ARPP21: variants seen among roughly 807,000 people sequenced by gnomAD.
ARPP21 encodes the protein cAMP regulated phosphoprotein 21, also known as cAMP-regulated phosphoprotein 21.
A neutral mutation model predicts 113.2 loss-of-function variants in ARPP21; 69 were observed. That is an observed-to-expected ratio of 0.61 (90% CI 0.50 to 0.74). The LOEUF (loss-of-function observed/expected upper bound fraction) is 0.74, where lower values mean the gene tolerates loss of function less well. Ranked by LOEUF, ARPP21 falls within the 30% of genes least tolerant of loss-of-function variation. ARPP21 has a pLI of 0.00. For missense variants in ARPP21, 1,070 were observed against 1,037.4 expected (o/e 1.03, Z -0.43); for synonymous variants, 368 against 375.5 (o/e 0.98, Z 0.23).
chr3:35,783,347 C>A (rs1006966920), intron 19 of ARPP21, among the ~76,000 whole-genome samples: 1 of 152,130 alleles, frequency 6.6e-6, no homozygotes, highest in Non-Finnish European at 1.5e-5. Context: ...TATACTTGTT[C>A]TTTCTGTATT....
chr3:35,738,784 A>G (rs1193942694), intron 17 of ARPP21, among the ~76,000 whole-genome samples: 4 of 152,212 alleles, frequency 2.6e-5, no homozygotes, highest in African/African-American at 9.7e-5. Flanking sequence ...TAAAGGATGA[A>G]CATTGCTCCT....
At chr3:35,750,676 C>A (rs1479037053) in intron 19 of ARPP21, among the ~76,000 whole-genome samples, 1 of 152,082 alleles carries the variant, frequency 6.6e-6, no homozygotes, top group Non-Finnish European at 1.5e-5. Flanking sequence ...CACAACCCCA[C>A]CATAAGACTT....
chr3:35,687,863 A>G lies in ARPP21; in HGVS notation c.386A>G (p.Lys129Arg). 1 of 1,589,764 alleles carries G rather than the reference A, an allele frequency of 6.3e-7. No individual in the cohort carries two copies. ...KNKDKTSEKPKIRMLSKDCSQ... is the reference protein window; with the variant it reads ...KNKDKTSEKPRIRMLSKDCSQ... ...AAAGATAAAACCTCTGAAAAACCCA[A>G]GATCAGAATGTTATCAAAAGGTGAA... is the stretch of plus-strand genomic sequence containing the variant. The change falls in exon 6 of 21, where the codon AAG becomes AGG. Residue 129 changes from lysine (K) to arginine (R), a missense_variant. By Grantham distance (26) the Lys-to-Arg change is conservative. Coordinates refer to ENST00000684406, the MANE Select transcript of ARPP21 (RefSeq NM_001385562.1).
intron 14 of ARPP21, among the ~76,000 whole-genome samples, chr3:35,727,222 G>C (rs1365554475): frequency 6.6e-6 from 1 of 152,126 alleles, no homozygotes; most frequent in Non-Finnish European, 1.5e-5. Flanking sequence ...ACAGGCCATG[G>C]TATATGCATA....
chr3:35,674,285 C>A (rs893246780), intron 1 of ARPP21, among the ~76,000 whole-genome samples: 1 of 151,878 alleles, frequency 6.6e-6, no homozygotes, highest in East Asian at 1.9e-4. Flanking sequence ...GTGTAACTCA[C>A]TGAGATTAAG....
chr3:35,708,863 C>G (rs751824685), intron 10 of ARPP21, 106 bp from the exon 11 acceptor site: 152 of 735,394 alleles, frequency 2.1e-4, no homozygotes, highest in Non-Finnish European at 3.2e-4. Flanking sequence ...TTTTCAGGCT[C>G]CATTTGTTTA....
chr3:35,693,373 C>T (rs1412870611), intron 9 of ARPP21, among the ~76,000 whole-genome samples: 1 of 151,586 alleles, frequency 6.6e-6, no homozygotes, highest in East Asian at 1.9e-4. Flanking sequence ...CACTTCTGAC[C>T]ATCCTCTATT....
chr3:35,728,548 A>C (rs1341167413), intron 14 of ARPP21, among the ~76,000 whole-genome samples: 1 of 150,104 alleles, frequency 6.7e-6, no homozygotes, highest in Admixed American at 6.6e-5. Context: ...TAAATCCTTA[A>C]TATCTAAAGT....
chr3:35,687,188 A>G (rs993021788), intron 5 of ARPP21, among the ~76,000 whole-genome samples: 1 of 151,390 alleles, frequency 6.6e-6, no homozygotes, highest in Non-Finnish European at 1.5e-5. Flanking sequence ...GCAATTCTAT[A>G]GTCTGCTTTT....
chr3:35,672,513 A>G (rs957387123), intron 1 of ARPP21, among the ~76,000 whole-genome samples: 6 of 152,108 alleles, frequency 3.9e-5, no homozygotes, highest in African/African-American at 1.4e-4. Flanking sequence ...GAAACACAGC[A>G]AAGTCACATA....
chr3:35,793,015 T>C (rs1303716215), intron 20 of ARPP21, among the ~76,000 whole-genome samples: 1 of 152,242 alleles, frequency 6.6e-6, no homozygotes, highest in Non-Finnish European at 1.5e-5. Flanking sequence ...AGTTAAGTAT[T>C]TTAAAAGTGT....
chr3:35,688,087 A>G (rs1335926557), intron 6 of ARPP21, among the ~76,000 whole-genome samples: 3 of 151,522 alleles, frequency 2.0e-5, no homozygotes, highest in African/African-American at 4.8e-5. Context: ...TAGACAGGTT[A>G]TTTTTAGGAT....
intron 10 of ARPP21, 33 bp downstream of exon 10, chr3:35,707,115 G>A (rs2089403362): frequency 3.9e-6 from 6 of 1,548,950 alleles, no homozygotes; most frequent in East Asian, 2.3e-5. Context: ...GGCTGACATT[G>A]TTGTTTTTGA....
intron 1 of ARPP21, among the ~76,000 whole-genome samples, chr3:35,676,255 C>T (rs1000841965): frequency 4.6e-5 from 7 of 151,948 alleles, no homozygotes; most frequent in Admixed American, 3.3e-4. Flanking sequence ...GGTGCTACTC[C>T]TTTGCACAGC....
intron 1 of ARPP21, among the ~76,000 whole-genome samples, chr3:35,666,771 G>A (rs900197374): frequency 1.3e-5 from 2 of 151,976 alleles, no homozygotes; most frequent in African/African-American, 4.8e-5. Flanking sequence ...CTGCAAACAG[G>A]CATCCAAATT....
intron 19 of ARPP21, among the ~76,000 whole-genome samples, chr3:35,760,615 C>T (rs1337456646): frequency 6.6e-6 from 1 of 151,840 alleles, no homozygotes; most frequent in Non-Finnish European, 1.5e-5. Flanking sequence ...ATTGATTGAT[C>T]AGGACTGTAG....
At position 35,682,004 on chromosome 3, in the gene ARPP21, T is replaced by TA. The variant is rs2079049711; in HGVS notation, c.129+125dup. ...CACTGGTTATATCATTAGGAAATGC[T>TA]AGTCTCCTACTTTTTCAATTTTTGT... is the stretch of plus-strand genomic sequence containing the variant. On this transcript the variant is annotated intron_variant, in intron 3 of 20. Coordinates refer to ENST00000684406, the MANE Select transcript of ARPP21 (RefSeq NM_001385562.1). The TA allele has an allele frequency of 2.5e-5, 29 of 1,144,996 alleles. No homozygotes were observed. In the South Asian group the frequency reaches 5.3e-4, roughly 21 times the overall value. The allele number at this position is 1,144,996 out of a possible 1,614,324, so 70.9% of individuals were successfully genotyped here. A position where few individuals can be genotyped will look rare whatever the true frequency, so the allele number is the denominator to read the frequency against.
intron 18 of ARPP21, 102 bp from the exon 19 acceptor site, chr3:35,743,737 T>C: frequency 7.5e-7 from 1 of 1,339,716 alleles, no homozygotes; most frequent in Non-Finnish European, 1.1e-6. Flanking sequence ...GGTGGCCATC[T>C]TCACAACCTA....
At chr3:35,748,316 AAGAAAAAG>A (rs1288470254) in intron 19 of ARPP21, among the ~76,000 whole-genome samples, 4 of 150,520 alleles carry the variant, frequency 2.7e-5, no homozygotes, top group East Asian at 2.0e-4. Flanking sequence ...GAAAGAAAGA[AAGAAAAAG>A]AAAGAAAGAA....
Sources: gnomAD v4.1 joint callset for allele counts (sites outside exome capture counted in the v4.1 genomes callset) on GRCh38, gnomAD v4.1.1 for gene constraint, MANE v1.5 for transcripts, NCBI Gene and HGNC (gene_info 2026-07-23, HGNC 2026-07-21) for gene names.